Variants in SPATA16 observed in about 807,000 individuals in gnomAD.
SPATA16 encodes the protein spermatogenesis associated 16.
In SPATA16, 36 loss-of-function variants were observed where a neutral mutation model predicts 63.3. The observed-to-expected ratio is 0.57, with a 90% CI of 0.44 to 0.75. SPATA16 has a LOEUF of 0.75. Among genes scored for constraint, SPATA16 ranks in the 30% least tolerant of loss-of-function variants. The pLI is 0.00. For missense variants in SPATA16, 646 were observed against 679.3 expected (o/e 0.95, Z 0.54); for synonymous variants, 203 against 216.7 (o/e 0.94, Z 0.56).
intron 3 of SPATA16, among the ~76,000 whole-genome samples, chr3:173,039,081 A>G (rs896038981): frequency 1.3e-5 from 2 of 152,038 alleles, no homozygotes; most frequent in African/African-American, 4.8e-5. Context: ...TATAGAGTTA[A>G]TCCTTGACAA....
At chr3:173,116,034 T>C (rs1737890546) in intron 2 of SPATA16, among the ~76,000 whole-genome samples, 1 of 151,982 alleles carries the variant, frequency 6.6e-6, no homozygotes, top group Admixed American at 6.6e-5. Context: ...GCTAGTAGTA[T>C]AGATGTGTGC....
chr3:173,121,204 C>CT (rs112905762), intron 1 of SPATA16, among the ~76,000 whole-genome samples: 5,594 of 142,160 alleles, frequency 0.039, 263 homozygotes, highest in African/African-American at 0.11. Context: ...GCTGTACAGC[C>CT]TTTTTTTTTT....
At chr3:172,973,541 C>T in intron 5 of SPATA16, among the ~76,000 whole-genome samples, 1 of 152,084 alleles carries the variant, frequency 6.6e-6, no homozygotes, top group East Asian at 1.9e-4. Context: ...GAGTTAAAGA[C>T]ACACACATGA....
chr3:173,028,012 TC>T (rs1560100946), intron 3 of SPATA16, among the ~76,000 whole-genome samples: 3,967 of 44,496 alleles, frequency 0.089, 688 homozygotes, highest in African/African-American at 0.33. Flanking sequence ...CCTCCCTCCC[TC>T]CCTTCCTTCT....
chr3:173,114,469 G>C (rs1001478117), intron 2 of SPATA16, among the ~76,000 whole-genome samples: 1 of 152,138 alleles, frequency 6.6e-6, no homozygotes, highest in African/African-American at 2.4e-5. Flanking sequence ...TGGATAGAAT[G>C]TGTATCTGAT....
At chr3:172,941,365 A>G (rs191015650) in intron 6 of SPATA16, among the ~76,000 whole-genome samples, 102 of 152,224 alleles carry the variant, frequency 6.7e-4, no homozygotes, top group African/African-American at 2.4e-3. Context: ...ACAGTGACCA[A>G]GCAGGTTAAG....
chr3:173,033,472 G>A (rs1485673594), intron 3 of SPATA16, among the ~76,000 whole-genome samples: 2 of 151,880 alleles, frequency 1.3e-5, no homozygotes, highest in Non-Finnish European at 2.9e-5. Flanking sequence ...TACAGTGTTG[G>A]CCCTATTATC....
At chr3:172,952,977 A>T (rs1260552610) in intron 6 of SPATA16, among the ~76,000 whole-genome samples, 1 of 151,800 alleles carries the variant, frequency 6.6e-6, no homozygotes, top group Non-Finnish European at 1.5e-5. Context: ...AGTTTGGTAA[A>T]CAACTAGCCA....
At chr3:172,904,791 C>G (rs1325631073) in intron 10 of SPATA16, among the ~76,000 whole-genome samples, 1 of 152,216 alleles carries the variant, frequency 6.6e-6, no homozygotes, top group Non-Finnish European at 1.5e-5. Context: ...TCGGCTCTCT[C>G]CATTCCACAG....
At chr3:173,057,656 C>G (rs1263256478) in intron 2 of SPATA16, among the ~76,000 whole-genome samples, 1 of 152,196 alleles carries the variant, frequency 6.6e-6, no homozygotes, top group Non-Finnish European at 1.5e-5. Context: ...CCCCAAACAT[C>G]TGGCCCTAGA....
At chr3:172,948,399 G>A (rs1045600735) in intron 6 of SPATA16, among the ~76,000 whole-genome samples, 5 of 152,112 alleles carry the variant, frequency 3.3e-5, no homozygotes, top group African/African-American at 9.7e-5. Context: ...TTTCAAGCAC[G>A]AAGGAGAAAT....
intron 5 of SPATA16, among the ~76,000 whole-genome samples, chr3:172,970,694 A>C (rs922469892): frequency 1.2e-4 from 18 of 152,294 alleles, no homozygotes; most frequent in Admixed American, 1.2e-3. Context: ...ATACACTACA[A>C]ATATAGGCCA....
chr3:172,945,847 G>A (rs541968017), intron 6 of SPATA16, among the ~76,000 whole-genome samples: 37 of 152,280 alleles, frequency 2.4e-4, no homozygotes, highest in Admixed American at 1.0e-3. Flanking sequence ...AAGTTCTGGC[G>A]CTATGCTGGA....
At chr3:173,042,135 C>T (rs1735856385) in intron 3 of SPATA16, among the ~76,000 whole-genome samples, 1 of 152,080 alleles carries the variant, frequency 6.6e-6, no homozygotes, top group South Asian at 2.1e-4. Flanking sequence ...TGATTGATAA[C>T]ACCCCAAAAG....
intron 10 of SPATA16, among the ~76,000 whole-genome samples, chr3:172,910,481 G>C (rs1732346343): frequency 6.6e-6 from 1 of 152,078 alleles, no homozygotes; most frequent in Non-Finnish European, 1.5e-5. Flanking sequence ...ACTCAGTCAA[G>C]TTGACTTAGA....
At chr3:173,042,932 A>T (rs1045802622) in intron 3 of SPATA16, among the ~76,000 whole-genome samples, 2 of 152,134 alleles carry the variant, frequency 1.3e-5, no homozygotes, top group African/African-American at 4.8e-5. Context: ...TCTTATTTTC[A>T]TCTCTAGTAG....
intron 6 of SPATA16, among the ~76,000 whole-genome samples, chr3:172,941,821 T>C (rs896907322): frequency 6.6e-6 from 1 of 152,088 alleles, no homozygotes; most frequent in Non-Finnish European, 1.5e-5. Flanking sequence ...TTAAGGATGG[T>C]GTCAGGGAAA....
Position 172,959,810 on chromosome 3 carries a change from ATATATATATT to A in SPATA16, c.934-2996_934-2987del, listed in dbSNP as rs1560079617. Among the ~76,000 whole-genome samples, 5 of 119,894 alleles carry A rather than the reference ATATATATATT, an allele frequency of 4.2e-5. 1 individual carries two copies. The highest frequency in any genetic ancestry group is 8.8e-5 in the Admixed American group (1 of 11,362). The allele number at this position is 119,894 out of a possible 152,430, so 78.7% of individuals were successfully genotyped here. A position where few individuals can be genotyped will look rare whatever the true frequency, so the allele number is the denominator to read the frequency against. ...AACATATATATATATATATATATATATATATATATTTAGCATTATTGGTATTGAATGGCAT... is the reference window on the plus strand; with the variant it reads ...AACATATATATATATATATATATATATAGCATTATTGGTATTGAATGGCAT... On this transcript the variant is annotated intron_variant, in intron 5 of 10. Transcript: ENST00000351008.
At chr3:173,067,801 A>G (rs569507528) in intron 2 of SPATA16, among the ~76,000 whole-genome samples, 3 of 152,302 alleles carry the variant, frequency 2.0e-5, no homozygotes, top group Admixed American at 6.5e-5. Context: ...AAATAAGACT[A>G]TGGTATATAG....
Sources: allele counts gnomAD v4.1 joint callset (sites outside exome capture counted in the v4.1 genomes callset), GRCh38; gene constraint gnomAD v4.1.1; transcripts MANE v1.5; gene names NCBI Gene and HGNC (gene_info 2026-07-23, HGNC 2026-07-21).